The following ITGB8 variants were observed in gnomAD, a reference collection of about 807,000 sequenced individuals.
ITGB8 encodes integrin subunit beta 8, also known as integrin beta-8.
ITGB8 carries 30 observed loss-of-function variants against 89.5 expected under a neutral mutation model. That is an observed-to-expected ratio of 0.34 (90% CI 0.25 to 0.45). The LOEUF (loss-of-function observed/expected upper bound fraction) is 0.45. Ranked by LOEUF, ITGB8 falls within the 20% of genes least tolerant of loss-of-function variation. The pLI is 1.00. For missense variants in ITGB8, 836 were observed against 933.3 expected (o/e 0.90, Z 1.36); for synonymous variants, 335 against 320.4 (o/e 1.05, Z -0.49).
chr7:20,378,990 A>C (rs929970850), intron 3 of ITGB8, 61 bp from the exon 4 acceptor site: 12 of 1,378,098 alleles, frequency 8.7e-6, no homozygotes, highest in Non-Finnish European at 1.2e-5. Flanking sequence ...TAATTTATTA[A>C]GAGCTTATCC....
Position 20,331,630 on chromosome 7 carries a change from C to T in ITGB8, c.-177C>T. On this transcript the variant is annotated 5_prime_UTR_variant, in exon 1 of 14. Coordinates refer to ENST00000222573, the MANE Select transcript of ITGB8 (RefSeq NM_002214.3). ...GCCGCAGGGGCCCTGAGATGCCGAG[C>T]GGTGCCCGGGCCCGCTTACCTGCAC... The T allele has an allele frequency of 6.3e-6, 4 of 635,738 alleles. No homozygotes were observed. The highest frequency in any genetic ancestry group is 3.4e-5 in the East Asian group (1 of 29,312). The allele number at this position is 635,738 out of a possible 1,614,324, so 39.4% of individuals were successfully genotyped here. A position where few individuals can be genotyped will look rare whatever the true frequency, so the allele number is the denominator to read the frequency against.
chr7:20,401,950 A>T lies in ITGB8; in HGVS notation c.1511A>T (p.Asp504Val). 1 of 1,614,188 alleles carries T rather than the reference A, an allele frequency of 6.2e-7. No homozygotes were observed. Among genetic ancestry groups the T allele is most frequent in the South Asian group, 1.1e-5 (1 of 91,086 alleles). ...GAGAATAAATGTCATTTTGATGAAG[A>T]TCAGTTTTCTTCTGAGAGTTGCAAG... ...CDENKCHFDE[D>V]QFSSESCKSH... The change falls in exon 10 of 14, where the codon GAT becomes GTT. Residue 504 changes from aspartate (D) to valine (V), a missense_variant. Physicochemically the swap from Asp to Val is radical, Grantham distance 152. This residue lies in a region of ITGB8 where 422 missense variants were observed against 416.9 expected (regional missense o/e 1.01). Transcript: ENST00000222573.
chr7:20,386,202 T>G (rs548637835), intron 6 of ITGB8, among the ~76,000 whole-genome samples: 1 of 152,090 alleles, frequency 6.6e-6, no homozygotes, highest in Non-Finnish European at 1.5e-5. Flanking sequence ...TGATTTCAGC[T>G]TGCTGAATGA....
rs189820731 is a variant in ITGB8 at position 20,395,495 on chromosome 7, T to C, written c.1146+510T>C. 5.3e-5 allele frequency among the ~76,000 whole-genome samples: 8 copies of C among 152,368 alleles called. No homozygotes were observed. The East Asian group carries it at 1.5e-3, about 29-fold the overall frequency. On this transcript the variant is annotated intron_variant, in intron 8 of 13. Transcript: ENST00000222573. ...TATCAAAAGAGTTTGATTAAAAGAA[T>C]CACCTTAGTAGATACTCTGTTTTCT...
intron 6 of ITGB8, among the ~76,000 whole-genome samples, chr7:20,388,580 C>A (rs1786723283): frequency 6.6e-6 from 1 of 152,050 alleles, no homozygotes; most frequent in Non-Finnish European, 1.5e-5. Context: ...AAAGAGATTT[C>A]TCTCTAGGGC....
chr7:20,386,294 A>C (rs1383723934), intron 6 of ITGB8, among the ~76,000 whole-genome samples: 1 of 149,984 alleles, frequency 6.7e-6, no homozygotes, highest in Admixed American at 6.6e-5. Context: ...GCTGGAGTAC[A>C]GTGGCACCAT....
In ITGB8 at chr7:20,353,660, G is replaced by A. The variant is rs577374710; in HGVS notation, c.128-9977G>A. ...GTAAGAAAACGGTAATCGGCCGGGC[G>A]CGGTGGCTCACGCCTGTAATCCCAG... On this transcript the variant is annotated intron_variant, in intron 1 of 13. Coordinates refer to ENST00000222573, the MANE Select transcript of ITGB8 (RefSeq NM_002214.3). Among the ~76,000 whole-genome samples, 7 of 147,290 alleles carry A rather than the reference G, an allele frequency of 4.8e-5. No individual in the cohort carries two copies. In the South Asian group the frequency reaches 6.2e-4, roughly 13 times the overall value.
At chr7:20,399,090 C>T in intron 9 of ITGB8, 96 bp downstream of exon 9, 2 of 1,220,338 alleles carry the variant, frequency 1.6e-6, no homozygotes, top group Non-Finnish European at 2.3e-6. Context: ...ATTTTACTTA[C>T]TACTGACTCT....
At chr7:20,343,132 G>A (rs1200039067) in intron 1 of ITGB8, among the ~76,000 whole-genome samples, 1 of 152,214 alleles carries the variant, frequency 6.6e-6, no homozygotes, top group Non-Finnish European at 1.5e-5. Context: ...GTAGGAAACA[G>A]AGGGGCTCAG....
At chr7:20,358,015 G>A (rs536065005) in intron 1 of ITGB8, among the ~76,000 whole-genome samples, 1 of 152,238 alleles carries the variant, frequency 6.6e-6, no homozygotes, top group South Asian at 2.1e-4. Context: ...GCTCAGGCTG[G>A]AGTGCAATGG....
intron 6 of ITGB8, among the ~76,000 whole-genome samples, chr7:20,391,018 C>T (rs147015835): frequency 6.6e-6 from 1 of 151,898 alleles, no homozygotes; most frequent in Non-Finnish European, 1.5e-5. Flanking sequence ...TACATATTTG[C>T]AGTTCAATAC....
chr7:20,353,931 C>CAAAAAAAAAAAAA (rs1158594685), intron 1 of ITGB8, among the ~76,000 whole-genome samples: 4 of 55,710 alleles, frequency 7.2e-5, no homozygotes, highest in Non-Finnish European at 8.9e-5. Context: ...GACTCCGTCT[C>CAAAAAAAAAAAAA]AAAAAAAAAA....
At chr7:20,353,623 A>G (rs1235882144) in intron 1 of ITGB8, among the ~76,000 whole-genome samples, 1 of 152,168 alleles carries the variant, frequency 6.6e-6, no homozygotes, top group Admixed American at 6.5e-5. Flanking sequence ...ACACAATATC[A>G]GAAGACCAAG....
chr7:20,372,274 T>C (rs3757727), intron 3 of ITGB8, among the ~76,000 whole-genome samples: 57,618 of 152,002 alleles, frequency 0.38, 11,298 homozygotes, highest in East Asian at 0.43. Context: ...GATATAATGA[T>C]GATTTGGTCC....
At chr7:20,344,191 C>T (rs58835621) in intron 1 of ITGB8, among the ~76,000 whole-genome samples, 12,495 of 151,618 alleles carry the variant, frequency 0.082, 651 homozygotes, top group East Asian at 0.16. Context: ...TGCTGTAGAG[C>T]TTTAGGCTTC....
chr7:20,409,655 C>T lies in ITGB8; in HGVS notation c.2064C>T (p.Ile688=), dbSNP rs769031601. ...CAAGCTACTTGAGAATATTTTTCATCATTTTCATAGTTACATTCTTGATTG... is the reference window on the plus strand; with the variant it reads ...CAAGCTACTTGAGAATATTTTTCATTATTTTCATAGTTACATTCTTGATTG... ...SSPSYLRIFF[I]IFIVTFLIGL... The change falls in exon 13 of 14, where the codon ATC becomes ATT. Residue 688 remains isoleucine (I), a synonymous_variant. Transcript: ENST00000222573. The T allele has an allele frequency of 3.1e-6, 5 of 1,610,110 alleles. No homozygotes were observed. The highest frequency in any genetic ancestry group is 4.2e-6 in the Non-Finnish European group (5 of 1,178,374).
Position 20,398,878 on chromosome 7 carries a change from A to G in ITGB8, c.1165A>G (p.Lys389Glu). 1 of 1,589,788 alleles carries G rather than the reference A, an allele frequency of 6.3e-7. No homozygotes were observed. Among genetic ancestry groups the G allele is most frequent in the Non-Finnish European group, 8.5e-7 (1 of 1,170,524 alleles). The part of the protein sequence containing the change: ...EAYQKLISEV[K>E]VQVENQVQGI... ...TCTGCAGAAGCTCATTTCAGAAGTG[A>G]AAGTTCAGGTGGAAAACCAGGTACA... The change falls in exon 9 of 14, where the codon AAA becomes GAA. Residue 389 changes from lysine to glutamate, a missense_variant. Physicochemically the swap from Lys to Glu is moderately conservative, Grantham distance 56. Around this residue, in one of 5 missense-constraint regions of ITGB8, gnomAD observed 192 missense variants for 267.1 expected, o/e 0.72. Coordinates refer to ENST00000222573, the MANE Select transcript of ITGB8 (RefSeq NM_002214.3).
rs1583475529 is a variant in ITGB8, at chr7:20,349,073, A to G, written c.128-14564A>G. Among the ~76,000 whole-genome samples the G allele has an allele frequency of 3.9e-5, 6 of 152,282 alleles. No homozygotes were observed. The South Asian group carries it at 1.2e-3, about 32-fold the overall frequency. ...TCTACCGATGATATTAAACTGAACGAATGTTAATTGAAAATTATAAGATAT... is the reference window on the plus strand; with the variant it reads ...TCTACCGATGATATTAAACTGAACGGATGTTAATTGAAAATTATAAGATAT... On this transcript the variant is annotated intron_variant, in intron 1 of 13. Transcript: ENST00000222573.
chr7:20,379,538 A>C (rs1786291308), intron 4 of ITGB8: 2 of 177,226 alleles, frequency 1.1e-5, no homozygotes, highest in South Asian at 2.0e-4. Flanking sequence ...AAAAAAACAA[A>C]AAAACAAACA....
Sources: gnomAD v4.1 joint callset for allele counts (sites outside exome capture counted in the v4.1 genomes callset) on GRCh38, gnomAD v4.1.1 for gene constraint, gnomAD v4.1.1 regional missense constraint, MANE v1.5 for transcripts, NCBI Gene and HGNC (gene_info 2026-07-23, HGNC 2026-07-21) for gene names.